The following KLF16 variants were observed in gnomAD, a reference collection of about 807,000 sequenced individuals.
The protein encoded by KLF16 is KLF transcription factor 16.
Under a neutral mutation model 6.1 loss-of-function variants are expected in KLF16, and 6 were observed. That is an observed-to-expected ratio of 0.98 (90% CI 0.54 to 1.93). KLF16 has a LOEUF of 1.93. KLF16 is among the 30% of genes most tolerant of loss of function. The pLI is 0.01. For synonymous variants in KLF16, 211 were observed against 176.5 expected (o/e 1.20, Z -1.55); for missense variants, 355 against 363.8 (o/e 0.98, Z 0.20).
In KLF16 at chr19:1,857,830, C is replaced by A. The variant is rs1411910807; in HGVS notation, c.458-3070G>T. On this transcript the variant is annotated intron_variant, in intron 1 of 1. Transcript: ENST00000250916. The surrounding 1 kb of genome is among the most constrained non-coding windows in gnomAD (Gnocchi z 4.7). ...AGGCTGGGGCTGGGGAGGCCTCTTA[C>A]CCACCCAGGGAAGGGAGGAGCTCCT... Among the ~76,000 whole-genome samples, 3 of 152,174 alleles carry A rather than the reference C, an allele frequency of 2.0e-5. No homozygotes were observed. The highest frequency in any genetic ancestry group is 3.4e-3 in the Middle Eastern group (1 of 294).
chr19:1,864,456 G>T (rs965582969), upstream of KLF16, among the ~76,000 whole-genome samples: 1 of 151,680 alleles, frequency 6.6e-6, no homozygotes, highest in Non-Finnish European at 1.5e-5. Flanking sequence ...GCAAGGCTGC[G>T]TTCGTTCCTC....
intron 1 of KLF16, among the ~76,000 whole-genome samples, chr19:1,858,539 C>A (rs143427647): frequency 2.3e-3 from 354 of 152,316 alleles, no homozygotes; most frequent in African/African-American, 7.7e-3. Context: ...CCAGCACAGG[C>A]CTGGTATACA....
chr19:1,854,710 G>C lies in KLF16; in HGVS notation c.508C>G (p.Arg170Gly). ...DWQGCDKKFA[R>G]SDELARHHRT... Reference sequence around the variant, plus strand: ...TGGTGGCGGGCCAGCTCGTCGGAGCGGGCGAACTTCTTGTCGCAGCCCTGC... The same window carrying C: ...TGGTGGCGGGCCAGCTCGTCGGAGCCGGCGAACTTCTTGTCGCAGCCCTGC... The change falls in exon 2 of 2, where the codon CGC becomes GGC. Residue 170 changes from arginine to glycine, a missense_variant. By Grantham distance (125) the Arg-to-Gly change is moderately radical. Transcript: ENST00000250916. 6.3e-7 allele frequency: 1 copy of C among 1,599,436 alleles called. No individual in the cohort carries two copies. The highest frequency in any genetic ancestry group is 1.3e-5 in the African/African-American group (1 of 74,928).
chr19:1,856,348 G>GA lies in KLF16; in HGVS notation c.458-1589dup, dbSNP rs888560758. The stretch of plus-strand genomic sequence containing the variant: ...ACCCGTGACCCAAGAAGAGCTGGAA[G>GA]AAAAAACCTTCCCTTCTCATCTCAT... On this transcript the variant is annotated intron_variant, in intron 1 of 1. Coordinates refer to ENST00000250916, the MANE Select transcript of KLF16 (RefSeq NM_031918.4). Among the ~76,000 whole-genome samples, 217 of 152,254 alleles carry GA rather than the reference G, an allele frequency of 1.4e-3. 2 individuals are homozygous for GA. Among genetic ancestry groups the GA allele is most frequent in the Non-Finnish European group, 7.5e-4 (51 of 67,984 alleles).
intron 1 of KLF16, among the ~76,000 whole-genome samples, chr19:1,856,178 T>C (rs2011945647): frequency 6.6e-6 from 1 of 151,588 alleles, no homozygotes; most frequent in East Asian, 2.0e-4. Context: ...TGGTGAGGGG[T>C]ACAGAGACGG....
At chr19:1,876,499 A>C in the KLF16 span, among the ~76,000 whole-genome samples, 8 of 152,036 alleles carry the variant, frequency 5.3e-5, no homozygotes, top group African/African-American at 1.9e-4. Context: ...GGGCCCAAGC[A>C]CCTGCCACCG....
At chr19:1,868,843 ATGTTGACC>A in the KLF16 span, among the ~76,000 whole-genome samples, 1 of 151,942 alleles carries the variant, frequency 6.6e-6, no homozygotes, top group Non-Finnish European at 1.5e-5. Context: ...GGGTTTCATC[ATGTTGACC>A]GGGCTGGTCT....
In KLF16 at chr19:1,853,803, C is replaced by A. The variant is rs934288263; in HGVS notation, c.*656G>T. ...CCCATCCCAGGTCTCAGAAGCAACA[C>A]CTGGAGCCCCTCCGGGCATCCTAAC... On this transcript the variant is annotated 3_prime_UTR_variant, in exon 2 of 2. Coordinates refer to ENST00000250916, the MANE Select transcript of KLF16 (RefSeq NM_031918.4). 2 of 152,562 alleles carry A rather than the reference C, an allele frequency of 1.3e-5. No individual in the cohort carries two copies. Among genetic ancestry groups the A allele is most frequent in the African/African-American group, 4.8e-5 (2 of 41,408 alleles). The allele number at this position is 152,562 out of a possible 1,614,324, so 9.5% of individuals were successfully genotyped here. A position where few individuals can be genotyped will look rare whatever the true frequency, so the allele number is the denominator to read the frequency against.
the KLF16 span, among the ~76,000 whole-genome samples, chr19:1,871,438 C>T: frequency 2.0e-5 from 3 of 152,166 alleles, no homozygotes; most frequent in African/African-American, 7.2e-5. Context: ...CCTGACCTCT[C>T]CCGGTGATCC....
chr19:1,865,715 G>A (rs2012177511), upstream of KLF16, among the ~76,000 whole-genome samples: 2 of 152,296 alleles, frequency 1.3e-5, no homozygotes, highest in Admixed American at 1.3e-4. Context: ...CCCCAGGTGA[G>A]GGCACACAGC....
chr19:1,870,234 C>T, the KLF16 span, among the ~76,000 whole-genome samples: 13 of 152,098 alleles, frequency 8.5e-5, no homozygotes, highest in Non-Finnish European at 1.3e-4. Context: ...CCGGCCAAAA[C>T]TTACTTTTTA....
At position 1,854,669 on chromosome 19, in the gene KLF16, G is replaced by T; in HGVS notation, c.549C>A (p.Gly183=). 1 of 1,600,318 alleles carries T rather than the reference G, an allele frequency of 6.2e-7. No homozygotes were observed. Among genetic ancestry groups the T allele is most frequent in the Non-Finnish European group, 8.5e-7 (1 of 1,179,558 alleles). The stretch of plus-strand genomic sequence containing the variant: ...ACAGAGGGCAGGAGAAGCGCTTCTC[G>T]CCCGTGTGCGTCCGGTGGTGGCGGG... ...ELARHHRTHT[G]EKRFSCPLCS... Residue 183 remains glycine, a synonymous_variant, in exon 2 of 2, where the codon GGC becomes GGA. Transcript: ENST00000250916.
chr19:1,866,907 T>C (rs1395877484), upstream of KLF16, among the ~76,000 whole-genome samples: 1 of 151,510 alleles, frequency 6.6e-6, no homozygotes, highest in East Asian at 1.9e-4. Context: ...CATCCATAAC[T>C]CAGCCCCTTC....
At chr19:1,862,526 C>G (rs995901863) in intron 1 of KLF16, among the ~76,000 whole-genome samples, 4 of 152,114 alleles carry the variant, frequency 2.6e-5, no homozygotes, top group Non-Finnish European at 4.4e-5. Context: ...CGGGCTCCCC[C>G]CATCCTGGCC....
intron 1 of KLF16, chr19:1,861,325 G>A (rs1026676142): frequency 2.6e-5 from 4 of 152,194 alleles, no homozygotes; most frequent in African/African-American, 9.7e-5. Context: ...ACAGGTGGGA[G>A]TCGCTTTCCC....
At chr19:1,870,020 ACT>A in the KLF16 span, among the ~76,000 whole-genome samples, 22 of 137,970 alleles carry the variant, frequency 1.6e-4, no homozygotes, top group Non-Finnish European at 2.9e-4. Flanking sequence ...GCAACCTCTG[ACT>A]CTCTGGTTCA....
At position 1,854,756 on chromosome 19, in the gene KLF16, T is replaced by C. The variant is rs1243439229; in HGVS notation, c.462A>G (p.Glu154=). 6.3e-7 allele frequency: 1 copy of C among 1,598,068 alleles called. No homozygotes were observed. The highest frequency in any genetic ancestry group is 8.5e-7 in the Non-Finnish European group (1 of 1,179,412). Residue 154 remains glutamate, a synonymous_variant, in exon 2 of 2, where the codon GAA becomes GAG. Transcript: ENST00000250916. ...LKSHLRTHTG[E]RPFACDWQGC... is the part of the protein sequence containing the mutation. ...CCTGCCAGTCACAAGCAAAAGGGCG[T>C]TCCCCTGGACGGAGAGACAGAGACA...
At position 1,854,428 on chromosome 19, in the gene KLF16, C is replaced by A; in HGVS notation, c.*31G>T. ...CTACACCCCTGGATGGCAGAAGCAT[C>A]CTGGCGGTCAGGGTGGGCTGCACGA... On this transcript the variant is annotated 3_prime_UTR_variant, in exon 2 of 2. Coordinates refer to ENST00000250916, the MANE Select transcript of KLF16 (RefSeq NM_031918.4). The A allele has an allele frequency of 7.2e-7, 1 of 1,389,138 alleles. No homozygotes were observed. The highest frequency in any genetic ancestry group is 9.3e-7 in the Non-Finnish European group (1 of 1,080,778). The allele number at this position is 1,389,138 out of a possible 1,614,324, so 86.1% of individuals were successfully genotyped here.
At chr19:1,870,459 G>T in the KLF16 span, among the ~76,000 whole-genome samples, 3 of 151,926 alleles carry the variant, frequency 2.0e-5, no homozygotes, top group African/African-American at 7.3e-5. Flanking sequence ...ATCGCTTAAG[G>T]CCAGGAGTTC....
Sources: allele counts gnomAD v4.1 joint callset (sites outside exome capture counted in the v4.1 genomes callset), GRCh38; gene constraint gnomAD v4.1.1; non-coding constraint Gnocchi (gnomAD v3.1); transcripts MANE v1.5; gene names NCBI Gene and HGNC (gene_info 2026-07-23, HGNC 2026-07-21).